The following MYT1L variants were observed in gnomAD, a reference collection of about 807,000 sequenced individuals.
The protein encoded by MYT1L is myelin transcription factor 1 like, also known as myelin transcription factor 1-like protein.
A neutral mutation model predicts 126.7 loss-of-function variants in MYT1L; 12 were observed. The observed-to-expected ratio is 0.09, with a 90% CI of 0.06 to 0.15. The LOEUF (loss-of-function observed/expected upper bound fraction) is 0.15. MYT1L is among the 10% of genes least tolerant of loss of function. The pLI is 1.00. For synonymous variants in MYT1L, 541 were observed against 604.2 expected, an observed-to-expected ratio of 0.90 and a Z score of 1.53; for missense variants, 979 against 1,585.2, an observed-to-expected ratio of 0.62 and a Z score of 6.49.
intron 18 of MYT1L, among the ~76,000 whole-genome samples, chr2:1,863,579 A>T (rs558710665): frequency 6.6e-6 from 1 of 152,234 alleles, no homozygotes; most frequent in African/African-American, 2.4e-5. Flanking sequence ...GGAAGGATAG[A>T]AACGGCATGT....
chr2:2,207,974 C>G (rs2093376410), intron 2 of MYT1L, among the ~76,000 whole-genome samples: 1 of 152,148 alleles, frequency 6.6e-6, no homozygotes, highest in South Asian at 2.1e-4. Flanking sequence ...ATTGTCCACT[C>G]TGGTAGGTTG....
At chr2:1,864,268 C>T (rs759349759) in intron 18 of MYT1L, among the ~76,000 whole-genome samples, 1 of 152,158 alleles carries the variant, frequency 6.6e-6, no homozygotes, top group Admixed American at 6.5e-5. Context: ...AGAAAGAAAG[C>T]CCCCAGCAGA....
Position 1,910,026 on chromosome 2 carries a change from C to A in MYT1L, c.1817+214G>T, listed in dbSNP as rs112780873. Among the ~76,000 whole-genome samples the A allele has an allele frequency of 1.3e-5, 2 of 152,200 alleles. No homozygotes were observed. The highest frequency in any genetic ancestry group is 2.9e-5 in the Non-Finnish European group (2 of 68,042). ...AATTCTCTCATGTAAATTGTCACAG[C>A]GAATCCGCAGACACCAGGGGAAGAA... On this transcript the variant is annotated intron_variant, in intron 13 of 24. Transcript: ENST00000647738. The surrounding 1 kb of genome is among the most constrained non-coding windows in gnomAD (Gnocchi z 4.8).
intron 5 of MYT1L, among the ~76,000 whole-genome samples, chr2:1,986,257 G>A (rs550255526): frequency 6.6e-6 from 1 of 152,270 alleles, no homozygotes; most frequent in African/African-American, 2.4e-5. Flanking sequence ...CACTCCACAT[G>A]CAGCCAGAAG....
chr2:2,138,633 G>T (rs1330237054), intron 3 of MYT1L, among the ~76,000 whole-genome samples: 8 of 133,384 alleles, frequency 6.0e-5, no homozygotes, highest in African/African-American at 2.0e-4. Flanking sequence ...TCATAGGTGG[G>T]AATTGAACAA....
intron 3 of MYT1L, among the ~76,000 whole-genome samples, chr2:2,076,132 C>T (rs749274431): frequency 6.6e-6 from 1 of 152,172 alleles, no homozygotes; most frequent in Non-Finnish European, 1.5e-5. Flanking sequence ...TCAGCTGGGA[C>T]AAACAGAAGC....
intron 18 of MYT1L, among the ~76,000 whole-genome samples, chr2:1,864,175 C>T (rs2045126196): frequency 6.6e-6 from 1 of 152,226 alleles, no homozygotes; most frequent in South Asian, 2.1e-4. Flanking sequence ...CAGGAGGCTT[C>T]CACGGCTCTT....
At chr2:1,799,356 T>C (rs1572342701) in intron 23 of MYT1L, among the ~76,000 whole-genome samples, 3 of 152,178 alleles carry the variant, frequency 2.0e-5, no homozygotes, top group African/African-American at 4.8e-5. Flanking sequence ...GCAGCCTGCG[T>C]AGGCACATGC....
intron 1 of MYT1L, among the ~76,000 whole-genome samples, chr2:2,329,040 A>G (rs1432567122): frequency 1.3e-5 from 2 of 152,196 alleles, no homozygotes; most frequent in East Asian, 3.9e-4. Context: ...TGCAATCGCT[A>G]TCAGCTGCGG....
At position 1,857,024 on chromosome 2, in the gene MYT1L, C is replaced by T. The variant is rs186363828; in HGVS notation, c.2712-5321G>A. ...CCATCACCTGCAGAGCAAGTGCACG[C>T]GGAGGCTCAGAGGCCACAGGCCTGG... On this transcript the variant is annotated intron_variant, in intron 18 of 24. Coordinates refer to ENST00000647738, the MANE Select transcript of MYT1L (RefSeq NM_001303052.2). 1.2e-3 allele frequency among the ~76,000 whole-genome samples: 181 copies of T among 152,306 alleles called. 1 individual carries two copies. Among genetic ancestry groups the T allele is most frequent in the African/African-American group, 3.9e-3 (164 of 41,582 alleles).
chr2:1,855,772 C>T (rs1316571363), intron 18 of MYT1L, among the ~76,000 whole-genome samples: 3 of 152,040 alleles, frequency 2.0e-5, no homozygotes, highest in Non-Finnish European at 2.9e-5. Flanking sequence ...ACACGAGCTG[C>T]CCCACGGATA....
At chr2:1,868,372 C>T (rs905593757) in intron 18 of MYT1L, among the ~76,000 whole-genome samples, 1 of 152,138 alleles carries the variant, frequency 6.6e-6, no homozygotes, top group Non-Finnish European at 1.5e-5. Context: ...GGCAAAGAAT[C>T]TCCTTTTAAA....
intron 3 of MYT1L, among the ~76,000 whole-genome samples, chr2:2,106,619 A>AAAAT (rs1360419052): frequency 2.6e-5 from 4 of 152,174 alleles, no homozygotes; most frequent in Admixed American, 2.6e-4. Flanking sequence ...CTCCATCTCA[A>AAAAT]AAATAAATAA....
chr2:2,236,564 C>T (rs1469240004), intron 2 of MYT1L, among the ~76,000 whole-genome samples: 1 of 148,196 alleles, frequency 6.7e-6, no homozygotes, highest in Non-Finnish European at 1.5e-5. Flanking sequence ...CAACCCAACC[C>T]AGTATGTCAC....
rs1472343016 is a variant in MYT1L, at chr2:2,273,062, T to C, written c.-421+11342A>G. ...GGCCTGTGCCTTCCGGGCCCCTTGC[T>C]GTCTCTCACGGAATCCAAAGCCTGG... On this transcript the variant is annotated intron_variant, in intron 2 of 24. Transcript: ENST00000647738. Among the ~76,000 whole-genome samples the C allele has an allele frequency of 3.3e-5, 5 of 152,278 alleles. No homozygotes were observed. In the East Asian group the frequency reaches 9.7e-4, roughly 30 times the overall value.
At chr2:2,071,029 G>T (rs1278611288) in intron 3 of MYT1L, among the ~76,000 whole-genome samples, 1 of 152,054 alleles carries the variant, frequency 6.6e-6, no homozygotes, top group Non-Finnish European at 1.5e-5. Flanking sequence ...GGGGAAAGAG[G>T]ATATGGGGTG....
At chr2:2,143,792 C>T (rs547046328) in intron 3 of MYT1L, among the ~76,000 whole-genome samples, 14 of 152,204 alleles carry the variant, frequency 9.2e-5, no homozygotes, top group African/African-American at 2.7e-4. Context: ...ATCAAAAGAA[C>T]GAAATCGTGT....
chr2:2,236,159 T>TAACCCAGCACATCCCAACCC (rs2094296248), intron 2 of MYT1L, among the ~76,000 whole-genome samples: 42 of 47,086 alleles, frequency 8.9e-4, no homozygotes, highest in East Asian at 1.5e-3. Flanking sequence ...CATCCCATCC[T>TAACCCAGCACATCCCAACCC]AACCCAGCAC....
chr2:2,199,707 G>A (rs1559314866), intron 2 of MYT1L, among the ~76,000 whole-genome samples: 1 of 152,146 alleles, frequency 6.6e-6, no homozygotes, highest in African/African-American at 2.4e-5. Flanking sequence ...TCTTACTGAT[G>A]GAGCTGAATT....
Sources: gnomAD v4.1 joint callset for allele counts (sites outside exome capture counted in the v4.1 genomes callset) on GRCh38, gnomAD v4.1.1 for gene constraint, Gnocchi (gnomAD v3.1) non-coding constraint, MANE v1.5 for transcripts, NCBI Gene and HGNC (gene_info 2026-07-23, HGNC 2026-07-21) for gene names.